Variants in TTLL13 observed in about 807,000 individuals in gnomAD.
The protein encoded by TTLL13 is tubulin tyrosine ligase like 13, also known as tubulin polyglutamylase TTLL13.
chr15:90,264,853 C>G, the TTLL13 span: 3 of 1,535,984 alleles, frequency 2.0e-6, 1 homozygote, highest in African/African-American at 2.7e-5. Flanking sequence ...CTGAATGCAC[C>G]TTGCCCTCCA....
chr15:90,256,593 CTTTCTTTCTTT>C, the TTLL13 span, among the ~76,000 whole-genome samples: 222 of 38,856 alleles, frequency 5.7e-3, 6 homozygotes, highest in South Asian at 0.017. Flanking sequence ...TTCTTTCTTT[CTTTCTTTCTTT>C]CTTTCCTTCC....
At chr15:90,264,248 A>G in the TTLL13 span, among the ~76,000 whole-genome samples, 5 of 152,208 alleles carry the variant, frequency 3.3e-5, no homozygotes, top group African/African-American at 4.8e-5. Flanking sequence ...CTGAAGTACA[A>G]TGGCTTGATC....
the TTLL13 span, among the ~76,000 whole-genome samples, chr15:90,252,972 C>T: frequency 6.6e-6 from 1 of 152,116 alleles, no homozygotes; most frequent in Non-Finnish European, 1.5e-5. Context: ...CACTGCACTC[C>T]AGCACAAGGG....
At chr15:90,257,907 C>T in the TTLL13 span, 212 of 973,944 alleles carry the variant, frequency 2.2e-4, 1 homozygote, top group South Asian at 3.2e-3. Context: ...GATAACTAGT[C>T]CCTGCTCCAA....
At chr15:90,251,110 C>T in the TTLL13 span, among the ~76,000 whole-genome samples, 12 of 105,182 alleles carry the variant, frequency 1.1e-4, no homozygotes, top group African/African-American at 1.2e-4. Context: ...TCATCCTGGT[C>T]TGTCTTTTTT....
the TTLL13 span, chr15:90,253,372 C>T: frequency 1.4e-4 from 224 of 1,606,448 alleles, no homozygotes; most frequent in African/African-American, 2.7e-3. Context: ...TTTCAGGTAC[C>T]CATCTCCTGA....
the TTLL13 span, chr15:90,265,076 C>T: frequency 7.3e-7 from 1 of 1,378,138 alleles, no homozygotes; most frequent in Non-Finnish European, 9.6e-7. Flanking sequence ...TTTGAAAAGC[C>T]CTGCCCAGGA....
At chr15:90,253,251 C>T in the TTLL13 span, 443 of 1,613,142 alleles carry the variant, frequency 2.7e-4, 1 homozygote, top group South Asian at 6.6e-4. Flanking sequence ...CTCTGCAGTG[C>T]GTCGGGCAGC....
the TTLL13 span, chr15:90,250,980 T>C: frequency 6.8e-7 from 1 of 1,479,206 alleles, no homozygotes; most frequent in Non-Finnish European, 9.1e-7. Flanking sequence ...ATCTCAGATC[T>C]TCCCTTTAGC....
the TTLL13 span, chr15:90,257,784 C>T: frequency 1.3e-6 from 2 of 1,526,952 alleles, no homozygotes; most frequent in South Asian, 2.3e-5. Flanking sequence ...CCCAGTAGCC[C>T]ATGAAACCAA....
the TTLL13 span, chr15:90,262,121 C>G: frequency 6.5e-7 from 1 of 1,535,932 alleles, no homozygotes; most frequent in South Asian, 1.2e-5. Flanking sequence ...GAAGTATGCC[C>G]GCTTCTTCAA....
the TTLL13 span, chr15:90,263,339 T>C: frequency 2.7e-5 from 15 of 552,982 alleles, no homozygotes; most frequent in Admixed American, 3.4e-4. Context: ...CTCCTTTGTT[T>C]TAGATATGAC....
chr15:90,252,656 C>T, the TTLL13 span, among the ~76,000 whole-genome samples: 1 of 152,114 alleles, frequency 6.6e-6, no homozygotes, highest in Non-Finnish European at 1.5e-5. Flanking sequence ...GCCAGTGTGA[C>T]CCCACCTATA....
chr15:90,250,846 C>T, the TTLL13 span: 14 of 1,614,108 alleles, frequency 8.7e-6, no homozygotes, highest in South Asian at 8.8e-5. Flanking sequence ...TTGACACAGG[C>T]GACTTAGAAG....
the TTLL13 span, chr15:90,261,979 T>C: frequency 6.6e-7 from 1 of 1,515,348 alleles, no homozygotes; most frequent in African/African-American, 1.4e-5. Flanking sequence ...AGCCCTACTC[T>C]TGACTCACTG....
chr15:90,261,241 G>C, the TTLL13 span, among the ~76,000 whole-genome samples: 1 of 151,634 alleles, frequency 6.6e-6, no homozygotes, highest in East Asian at 2.0e-4. Context: ...ACCAAGCCCA[G>C]ATAATTTTTG....
the TTLL13 span, chr15:90,251,643 A>G: frequency 6.3e-7 from 1 of 1,594,070 alleles, no homozygotes; most frequent in Non-Finnish European, 8.6e-7. Flanking sequence ...CATGGTGCCT[A>G]CAGCTGCTGT....
chr15:90,259,186 ACT>A, the TTLL13 span: 1 of 539,768 alleles, frequency 1.9e-6, no homozygotes. Flanking sequence ...AACATGTGAG[ACT>A]CTGTCCCTAA....
At chr15:90,255,965 G>C in the TTLL13 span, 8 of 1,603,420 alleles carry the variant, frequency 5.0e-6, no homozygotes, top group Non-Finnish European at 6.0e-6. Flanking sequence ...TTGTGACCTA[G>C]GAATGTCTCA....
Sources: allele counts gnomAD v4.1 joint callset (sites outside exome capture counted in the v4.1 genomes callset), GRCh38; gene constraint gnomAD v4.1.1; transcripts MANE v1.5; gene names NCBI Gene and HGNC (gene_info 2026-07-23, HGNC 2026-07-21).